The following IL1RAPL1 variants were observed in gnomAD, a reference collection of about 807,000 sequenced individuals.
IL1RAPL1 encodes the protein interleukin 1 receptor accessory protein like 1.
Under a neutral mutation model 48.4 loss-of-function variants are expected in IL1RAPL1, and 3 were observed. The observed-to-expected ratio is 0.06, with a 90% CI of 0.03 to 0.16. The LOEUF (loss-of-function observed/expected upper bound fraction) is 0.16. IL1RAPL1 is among the 10% of genes least tolerant of loss of function. The pLI is 1.00. For synonymous variants in IL1RAPL1, 185 were observed against 187.7 expected, an observed-to-expected ratio of 0.99 and a Z score of 0.12; for missense variants, 349 against 530.6, an observed-to-expected ratio of 0.66 and a Z score of 3.36.
chrX:29,550,459 G>A (rs1051736427), intron 5 of IL1RAPL1, among the ~76,000 whole-genome samples: 4 of 111,939 alleles, frequency 3.6e-5, no homozygotes, highest in Admixed American at 1.9e-4. Flanking sequence ...GATTGCAGGC[G>A]TGAGCCACTG....
chrX:29,124,928 T>G (rs1250276863), intron 2 of IL1RAPL1, among the ~76,000 whole-genome samples: 5 of 112,052 alleles, frequency 4.5e-5, no homozygotes, highest in African/African-American at 1.6e-4. Context: ...AAACTGAATC[T>G]AATGCCCAGC....
At chrX:28,852,707 GA>G (rs1921694193) in intron 2 of IL1RAPL1, among the ~76,000 whole-genome samples, 1 of 111,463 alleles carries the variant, frequency 9.0e-6, no homozygotes, top group African/African-American at 3.3e-5. Flanking sequence ...TTGAAAGAAT[GA>G]AAGGCATTTT....
chrX:28,899,808 G>A (rs1373376867), intron 2 of IL1RAPL1, among the ~76,000 whole-genome samples: 1 of 111,714 alleles, frequency 9.0e-6, no homozygotes, highest in Non-Finnish European at 1.9e-5. Context: ...GTCAGTGGCA[G>A]CTCAGAGAGA....
chrX:29,226,991 ATT>A (rs370414523), intron 2 of IL1RAPL1, among the ~76,000 whole-genome samples: 39 of 103,889 alleles, frequency 3.8e-4, no homozygotes, highest in South Asian at 2.5e-3. Flanking sequence ...GGAATGGAAG[ATT>A]TTTTTTTTTT....
chrX:28,642,972 T>G (rs2146899603), intron 1 of IL1RAPL1, among the ~76,000 whole-genome samples: 1 of 110,366 alleles, frequency 9.1e-6, no homozygotes, highest in Non-Finnish European at 1.9e-5. Flanking sequence ...CAATGCAACC[T>G]CCATCTCCCA....
chrX:28,722,164 GA>G (rs752682614), intron 1 of IL1RAPL1, among the ~76,000 whole-genome samples: 13 of 111,415 alleles, frequency 1.2e-4, no homozygotes, highest in Non-Finnish European at 1.9e-4. Flanking sequence ...GGATGGCATT[GA>G]ATCTGTAAAT....
chrX:29,323,088 C>T (rs1051205041), intron 3 of IL1RAPL1, among the ~76,000 whole-genome samples: 4 of 112,230 alleles, frequency 3.6e-5, no homozygotes, highest in African/African-American at 1.3e-4. Flanking sequence ...AGAGTCTCAT[C>T]GTCCACTTAA....
At chrX:29,073,520 A>G (rs906355548) in intron 2 of IL1RAPL1, among the ~76,000 whole-genome samples, 1 of 110,032 alleles carries the variant, frequency 9.1e-6, no homozygotes, top group Non-Finnish European at 1.9e-5. Flanking sequence ...GAGTCCTAAG[A>G]CTCTTTTCTT....
At chrX:29,138,648 G>A (rs972597819) in intron 2 of IL1RAPL1, among the ~76,000 whole-genome samples, 3 of 106,914 alleles carry the variant, frequency 2.8e-5, no homozygotes, top group Admixed American at 1.0e-4. Context: ...TTGGTAATGC[G>A]TGCCTGTAAT....
At chrX:29,248,651 G>A (rs1027536463) in intron 2 of IL1RAPL1, among the ~76,000 whole-genome samples, 3 of 111,652 alleles carry the variant, frequency 2.7e-5, no homozygotes, top group Non-Finnish European at 3.8e-5. Context: ...TTTACCCATC[G>A]GATTAACAAA....
chrX:29,339,075 TACAC>T (rs758487838), intron 3 of IL1RAPL1, among the ~76,000 whole-genome samples: 4,195 of 92,257 alleles, frequency 0.045, 182 homozygotes, highest in African/African-American at 0.13. Context: ...GCTGGGTAAA[TACAC>T]ACACACACAC....
At chrX:29,118,576 C>T (rs765873111) in intron 2 of IL1RAPL1, among the ~76,000 whole-genome samples, 1 of 111,630 alleles carries the variant, frequency 9.0e-6, no homozygotes, top group East Asian at 2.8e-4. Context: ...AATAAAAATA[C>T]ATCTATAAAT....
chrX:28,630,706 G>A (rs1475811722), intron 1 of IL1RAPL1, among the ~76,000 whole-genome samples: 1 of 112,143 alleles, frequency 8.9e-6, no homozygotes, highest in East Asian at 2.8e-4. Context: ...TTCATACTAG[G>A]CTGAGAGTGA....
rs375579291 is a variant in IL1RAPL1 at position 29,606,758 on chromosome X, A to AT, written c.704-61661dup. ...ACTGTATTCCAACCAGTGGTACTAG[A>AT]TTTTTTTTTTTCTTTAAACAGGAGA... is the stretch of plus-strand genomic sequence containing the variant. On this transcript the variant is annotated intron_variant, in intron 5 of 10. Transcript: ENST00000378993. Among the ~76,000 whole-genome samples the AT allele has an allele frequency of 8.3e-3, 889 of 107,045 alleles. 12 individuals are homozygous for AT. The highest frequency in any genetic ancestry group is 0.028 in the African/African-American group (831 of 29,511). The allele number at this position is 107,045 out of a possible 115,157, so 93.0% of individuals were successfully genotyped here.
intron 5 of IL1RAPL1, among the ~76,000 whole-genome samples, chrX:29,494,298 G>C (rs66514474): frequency 0.074 from 8,223 of 111,499 alleles, 531 homozygotes; most frequent in African/African-American, 0.21. Flanking sequence ...TAAAGGATAT[G>C]ATTTAATTCT....
chrX:28,804,982 G>A (rs748589325), intron 2 of IL1RAPL1, among the ~76,000 whole-genome samples: 1 of 111,129 alleles, frequency 9.0e-6, no homozygotes, highest in African/African-American at 3.3e-5. Context: ...CATATCACAA[G>A]GACTTTGTAT....
intron 5 of IL1RAPL1, among the ~76,000 whole-genome samples, chrX:29,445,498 T>C (rs1197703845): frequency 2.7e-5 from 3 of 112,123 alleles, no homozygotes; most frequent in Non-Finnish European, 5.6e-5. Flanking sequence ...TTAGCTCCCT[T>C]TTCACCAGCA....
At chrX:29,343,390 C>T (rs1239322505) in intron 3 of IL1RAPL1, among the ~76,000 whole-genome samples, 1 of 111,107 alleles carries the variant, frequency 9.0e-6, no homozygotes. Context: ...TGGTACAGGC[C>T]TAATGGTTCC....
At chrX:29,554,208 G>A (rs1369208745) in intron 5 of IL1RAPL1, among the ~76,000 whole-genome samples, 2 of 110,756 alleles carry the variant, frequency 1.8e-5, no homozygotes, top group South Asian at 7.6e-4. Context: ...ACCATTAATC[G>A]CGCCATCCAA....
Sources: gnomAD v4.1 joint callset for allele counts (sites outside exome capture counted in the v4.1 genomes callset) on GRCh38, gnomAD v4.1.1 for gene constraint, MANE v1.5 for transcripts, NCBI Gene and HGNC (gene_info 2026-07-23, HGNC 2026-07-21) for gene names.